ENPP6: variants seen among roughly 807,000 people sequenced by gnomAD.
ENPP6 encodes the protein glycerophosphocholine cholinephosphodiesterase ENPP6.
In ENPP6, 32 loss-of-function variants were observed where a neutral mutation model predicts 42.0. That is an observed-to-expected ratio of 0.76 (90% CI 0.58 to 1.02). ENPP6 has a LOEUF of 1.02. ENPP6 is among the 50% of genes least tolerant of loss of function. The pLI is 0.00. For synonymous variants in ENPP6, 213 were observed against 216.0 expected (o/e 0.99, Z 0.12); for missense variants, 552 against 566.8 (o/e 0.97, Z 0.27).
At chr4:184,133,874 T>TTC (rs1195139850) in intron 2 of ENPP6, among the ~76,000 whole-genome samples, 2 of 150,144 alleles carry the variant, frequency 1.3e-5, no homozygotes, top group African/African-American at 4.9e-5. Context: ...ATTGATTGAT[T>TTC]TTTTTTTTTT....
At chr4:184,207,757 CTG>C (rs1733024847) in intron 1 of ENPP6, among the ~76,000 whole-genome samples, 1 of 152,222 alleles carries the variant, frequency 6.6e-6, no homozygotes, top group Non-Finnish European at 1.5e-5. Flanking sequence ...TCCCTATTCT[CTG>C]TGTATTCATT....
At chr4:184,152,766 G>A (rs376055328) in intron 2 of ENPP6, among the ~76,000 whole-genome samples, 83 of 152,316 alleles carry the variant, frequency 5.4e-4, no homozygotes, top group African/African-American at 1.6e-3. Context: ...CACAGCAGCC[G>A]AGGCAGTTTG....
chr4:184,211,025 T>G (rs1158658988), intron 1 of ENPP6, among the ~76,000 whole-genome samples: 2 of 150,242 alleles, frequency 1.3e-5, no homozygotes, highest in Non-Finnish European at 3.0e-5. Flanking sequence ...AATAAAGATG[T>G]TCTTTGAAAC....
At chr4:184,138,075 G>A (rs1027287834) in intron 2 of ENPP6, among the ~76,000 whole-genome samples, 2 of 152,184 alleles carry the variant, frequency 1.3e-5, no homozygotes, top group Admixed American at 1.3e-4. Context: ...TACAATTTTA[G>A]AAATTATCTT....
intron 1 of ENPP6, among the ~76,000 whole-genome samples, chr4:184,162,287 AG>A (rs1419624908): frequency 3.5e-4 from 53 of 152,292 alleles, no homozygotes; most frequent in African/African-American, 9.6e-4. Context: ...GCTGGAAAAA[AG>A]GGGGGAAGGA....
At chr4:184,146,942 C>T (rs561307320) in intron 2 of ENPP6, among the ~76,000 whole-genome samples, 9 of 152,234 alleles carry the variant, frequency 5.9e-5, no homozygotes, top group African/African-American at 2.2e-4. Flanking sequence ...TCCAGTTCTG[C>T]ACTCTCCCTG....
intron 2 of ENPP6, among the ~76,000 whole-genome samples, chr4:184,126,501 AG>A (rs1319532324): frequency 1.3e-5 from 2 of 152,220 alleles, no homozygotes; most frequent in Admixed American, 1.3e-4. Flanking sequence ...CCTAGGCTAA[AG>A]GTAGGATAGG....
Position 184,161,700 on chromosome 4 carries a change from C to T in ENPP6, c.242-7967G>A, listed in dbSNP as rs147528592. Among the ~76,000 whole-genome samples the T allele has an allele frequency of 6.1e-3, 923 of 152,070 alleles. 17 individuals carry two copies. The highest frequency in any genetic ancestry group is 0.056 in the South Asian group (270 of 4,802). On this transcript the variant is annotated intron_variant, in intron 1 of 7. Coordinates refer to ENST00000296741, the MANE Select transcript of ENPP6 (RefSeq NM_153343.4). ...TATATACCATGGAATACTACTCAGC[C>T]GTGAAAAGGAATGAAATAATGGCAT... is the stretch of plus-strand genomic sequence containing the variant.
At chr4:184,172,477 C>A (rs372542325) in intron 1 of ENPP6, among the ~76,000 whole-genome samples, 6 of 152,284 alleles carry the variant, frequency 3.9e-5, no homozygotes, top group African/African-American at 1.4e-4. Flanking sequence ...TGGCAGAAAA[C>A]AGCTCCAGCC....
intron 1 of ENPP6, among the ~76,000 whole-genome samples, chr4:184,202,186 C>T (rs891050140): frequency 8.5e-5 from 13 of 152,200 alleles, no homozygotes; most frequent in Non-Finnish European, 1.6e-4. Flanking sequence ...ATGAAAATTA[C>T]TTTTCCAAAT....
At chr4:184,123,328 T>C (rs1006650884) in intron 3 of ENPP6, among the ~76,000 whole-genome samples, 5 of 152,146 alleles carry the variant, frequency 3.3e-5, no homozygotes, top group African/African-American at 1.2e-4. Flanking sequence ...TTCTCGGATA[T>C]GCCCAGCTTG....
rs549762629 is a variant in ENPP6, at chr4:184,204,964, C to T, written c.241+12615G>A. ...TTTTTTTTTGAGATGAAGTTTCGCT[C>T]ATGTTGCCCAGGCTGGAGTGCAGTG... On this transcript the variant is annotated intron_variant, in intron 1 of 7. Transcript: ENST00000296741. Among the ~76,000 whole-genome samples the T allele has an allele frequency of 4.5e-4, 68 of 152,042 alleles. No individual in the cohort carries two copies. In the South Asian group the frequency reaches 5.0e-3, roughly 11 times the overall value.
chr4:184,111,857 G>A (rs1365062558), intron 6 of ENPP6, among the ~76,000 whole-genome samples: 2 of 152,154 alleles, frequency 1.3e-5, no homozygotes, highest in East Asian at 3.9e-4. Context: ...CTCATGCCCC[G>A]GGGTGACTAC....
intron 2 of ENPP6, among the ~76,000 whole-genome samples, chr4:184,131,824 CATAT>C (rs780166830): frequency 2.0e-4 from 28 of 140,400 alleles, no homozygotes; most frequent in East Asian, 3.9e-4. Context: ...CACACACACA[CATAT>C]ATATATATAT....
Position 184,091,237 on chromosome 4 carries a change from G to A in ENPP6, c.1263C>T (p.Ala421=), listed in dbSNP as rs1304102634. Residue 421 remains alanine (A), a synonymous_variant, in exon 8 of 8, where the codon GCC becomes GCT. Transcript: ENST00000296741. ...CACAGTGGCTGGGCCAGACAGGCGG[G>A]GCAGTGCTGGCGCGGCCCTTCAGCA... The part of the protein sequence containing the change: ...MCMLKGRAST[A]PPVWPSHCAL... 4 of 1,596,060 alleles carry A rather than the reference G, an allele frequency of 2.5e-6. No individual in the cohort carries two copies. Among genetic ancestry groups the A allele is most frequent in the Admixed American group, 3.4e-5 (2 of 58,970 alleles).
chr4:184,200,325 G>A lies in ENPP6; in HGVS notation c.241+17254C>T, dbSNP rs151063531. On this transcript the variant is annotated intron_variant, in intron 1 of 7. Coordinates refer to ENST00000296741, the MANE Select transcript of ENPP6 (RefSeq NM_153343.4). The stretch of plus-strand genomic sequence containing the variant: ...ACATCTGTTGGTGTGCTGCTCTCCC[G>A]AGCCATCGCCGCGTTTCCTTACCAC... 9.2e-5 allele frequency among the ~76,000 whole-genome samples: 14 copies of A among 152,262 alleles called. No homozygotes were observed. The East Asian group carries it at 2.5e-3, about 27-fold the overall frequency.
chr4:184,198,537 G>T (rs1170157869), intron 1 of ENPP6, among the ~76,000 whole-genome samples: 5 of 152,194 alleles, frequency 3.3e-5, no homozygotes, highest in Non-Finnish European at 1.5e-5. Flanking sequence ...CCTCAAGCTT[G>T]GGTGTCCTGA....
intron 6 of ENPP6, among the ~76,000 whole-genome samples, chr4:184,101,130 T>C (rs538790334): frequency 7.2e-5 from 11 of 151,890 alleles, no homozygotes; most frequent in Admixed American, 5.2e-4. Flanking sequence ...CCTACATGCA[T>C]GTAAACACAT....
chr4:184,153,838 G>T, intron 1 of ENPP6, 105 bp from the exon 2 acceptor site: 2 of 1,281,462 alleles, frequency 1.6e-6, no homozygotes, highest in African/African-American at 1.5e-5. Flanking sequence ...AGGAAGTACA[G>T]AACAGCATAA....
Sources: allele counts gnomAD v4.1 joint callset (sites outside exome capture counted in the v4.1 genomes callset), GRCh38; gene constraint gnomAD v4.1.1; transcripts MANE v1.5; gene names NCBI Gene and HGNC (gene_info 2026-07-23, HGNC 2026-07-21).